Variants in KPNA4 observed in about 807,000 individuals in gnomAD.
KPNA4 encodes the protein importin subunit alpha-3.
KPNA4 carries 13 observed loss-of-function variants against 71.3 expected under a neutral mutation model. The observed-to-expected ratio is 0.18, with a 90% CI of 0.12 to 0.29. The LOEUF is 0.29. Among genes scored for constraint, KPNA4 ranks in the 10% least tolerant of loss-of-function variants. The pLI, the probability that KPNA4 is intolerant of heterozygous loss-of-function variation, is 1.00. For missense variants in KPNA4, 334 were observed against 603.2 expected (o/e 0.55, Z 4.67); for synonymous variants, 189 against 195.2 (o/e 0.97, Z 0.26).
chr3:160,498,956 G>C lies in KPNA4; in HGVS notation c.*3148C>G, dbSNP rs1720822263. ...TAACTTTTTCCTTGAGGAAACTGAG[G>C]CAATGGAGAATCCAAAAAGGGTGCC... On this transcript the variant is annotated 3_prime_UTR_variant, in exon 17 of 17. Coordinates refer to ENST00000334256, the MANE Select transcript of KPNA4 (RefSeq NM_002268.5). 1 of 152,120 alleles carries C rather than the reference G, an allele frequency of 6.6e-6. No homozygotes were observed. Among genetic ancestry groups the C allele is most frequent in the Non-Finnish European group, 1.5e-5 (1 of 68,026 alleles). 9.4% of individuals were successfully genotyped at this position (152,120 alleles called of 1,614,324 possible). A position where few individuals can be genotyped will look rare whatever the true frequency, so the allele number is the denominator to read the frequency against.
chr3:160,547,627 TACA>T (rs1721950166), intron 1 of KPNA4, among the ~76,000 whole-genome samples: 1 of 152,208 alleles, frequency 6.6e-6, no homozygotes, highest in Non-Finnish European at 1.5e-5. Context: ...TCGCATACTC[TACA>T]GGTTTTAACA....
chr3:160,515,723 T>A, intron 11 of KPNA4, 143 bp from the exon 12 acceptor site: 1 of 836,878 alleles, frequency 1.2e-6, no homozygotes, highest in Non-Finnish European at 1.8e-6. Context: ...CAAGTGATCC[T>A]CCCACCCCAG....
Position 160,536,855 on chromosome 3 carries a change from A to C in KPNA4, c.70-15T>G. 6.7e-7 allele frequency: 1 copy of C among 1,494,252 alleles called. No homozygotes were observed. The highest frequency in any genetic ancestry group is 1.4e-5 in the African/African-American group (1 of 72,516). 92.6% of individuals were successfully genotyped at this position (1,494,252 alleles called of 1,614,324 possible). ...CTTCTCATAGTCTACAAAAAAATTAAAGGAAAATATTTTTAAAATCACCTC... is the reference window on the plus strand; with the variant it reads ...CTTCTCATAGTCTACAAAAAAATTACAGGAAAATATTTTTAAAATCACCTC... On this transcript the variant is annotated splice_polypyrimidine_tract_variant and intron_variant, in intron 1 of 16. Coordinates refer to ENST00000334256, the MANE Select transcript of KPNA4 (RefSeq NM_002268.5).
At chr3:160,545,007 T>TG (rs1721877317) in intron 1 of KPNA4, among the ~76,000 whole-genome samples, 2 of 152,202 alleles carry the variant, frequency 1.3e-5, no homozygotes, top group Non-Finnish European at 2.9e-5. Flanking sequence ...AAAGGAACTA[T>TG]GGCCCAGCGA....
chr3:160,514,253 T>C (rs1282215647), intron 12 of KPNA4, 72 bp from the exon 13 acceptor site: 12 of 981,902 alleles, frequency 1.2e-5, no homozygotes, highest in East Asian at 5.5e-5. Flanking sequence ...TAAAAAAGCA[T>C]TCACTACACT....
intron 11 of KPNA4, among the ~76,000 whole-genome samples, chr3:160,516,255 G>T (rs113452603): frequency 0.018 from 2,717 of 152,104 alleles, 84 homozygotes; most frequent in African/African-American, 0.061. Flanking sequence ...GCTTCCCAAA[G>T]TACTGGGATT....
intron 7 of KPNA4, among the ~76,000 whole-genome samples, chr3:160,528,798 T>C (rs1278628259): frequency 1.3e-5 from 2 of 152,234 alleles, no homozygotes; most frequent in African/African-American, 2.4e-5. Flanking sequence ...GAAACAGAGA[T>C]AGGTCTGTAT....
intron 14 of KPNA4, 95 bp downstream of exon 14, chr3:160,509,705 T>C: frequency 2.1e-6 from 2 of 933,820 alleles, no homozygotes; most frequent in South Asian, 1.4e-5. Flanking sequence ...GTGTTGCTAT[T>C]ATTTTAAATT....
chr3:160,503,617 C>T (rs1232950539), intron 16 of KPNA4, among the ~76,000 whole-genome samples: 2 of 152,148 alleles, frequency 1.3e-5, no homozygotes, highest in Non-Finnish European at 2.9e-5. Flanking sequence ...CTGTAGTGTA[C>T]TTCCTATAAC....
intron 15 of KPNA4, 24 bp downstream of exon 15, chr3:160,508,083 A>G: frequency 1.3e-6 from 2 of 1,568,278 alleles, no homozygotes; most frequent in Non-Finnish European, 1.7e-6. Flanking sequence ...TAAGATGTGG[A>G]ATAAGAGCTT....
intron 12 of KPNA4, 42 bp downstream of exon 12, chr3:160,515,410 A>C: frequency 2.0e-6 from 3 of 1,504,084 alleles, no homozygotes; most frequent in Non-Finnish European, 2.7e-6. Flanking sequence ...AACTGTTAAC[A>C]TTTTAAGTGC....
intron 1 of KPNA4, among the ~76,000 whole-genome samples, chr3:160,548,022 A>C (rs896153899): frequency 2.0e-5 from 3 of 152,184 alleles, no homozygotes; most frequent in Admixed American, 6.5e-5. Context: ...CTGTGTGGAC[A>C]TAAGTTTTGA....
In KPNA4 at chr3:160,531,443, AAAT is replaced by A. The variant is rs1553786639; in HGVS notation, c.383+16_383+18del. 3.9e-6 allele frequency: 5 copies of A among 1,296,960 alleles called. No homozygotes were observed. The highest frequency in any genetic ancestry group is 1.6e-5 in the South Asian group (1 of 63,572). The allele number at this position is 1,296,960 out of a possible 1,614,324, so 80.3% of individuals were successfully genotyped here. ...GATACATTCTAAATTAAAAAAAAAAAAATAAATAATGTACTCACTTGTCATCTC... is the reference window on the plus strand; with the variant it reads ...GATACATTCTAAATTAAAAAAAAAAAAAATAATGTACTCACTTGTCATCTC... On this transcript the variant is annotated intron_variant, in intron 6 of 16. Transcript: ENST00000334256.
intron 5 of KPNA4, among the ~76,000 whole-genome samples, chr3:160,534,785 G>A (rs1721652014): frequency 6.8e-6 from 1 of 147,938 alleles, no homozygotes; most frequent in South Asian, 2.1e-4. Flanking sequence ...CACTGGGAGT[G>A]TATGCAGTCA....
At chr3:160,530,097 TGCACTCCAGCCTGG>T (rs1184831743) in intron 7 of KPNA4, among the ~76,000 whole-genome samples, 1 of 131,482 alleles carries the variant, frequency 7.6e-6, no homozygotes, top group African/African-American at 3.0e-5. Flanking sequence ...ATCGCATCAC[TGCACTCCAGCCTGG>T]GCGACAGAGT....
chr3:160,561,772 G>A (rs1208644713), intron 1 of KPNA4, among the ~76,000 whole-genome samples: 1 of 151,950 alleles, frequency 6.6e-6, no homozygotes, highest in African/African-American at 2.4e-5. Context: ...TATACAAGCA[G>A]AGAGAAAAAA....
At chr3:160,545,116 T>C (rs965473167) in intron 1 of KPNA4, among the ~76,000 whole-genome samples, 1 of 152,250 alleles carries the variant, frequency 6.6e-6, no homozygotes, top group Admixed American at 6.5e-5. Flanking sequence ...CTATTACATA[T>C]TCCTTCAAAT....
chr3:160,508,040 G>A, intron 15 of KPNA4, 67 bp downstream of exon 15: 2 of 1,221,016 alleles, frequency 1.6e-6, no homozygotes, highest in Non-Finnish European at 2.3e-6. Context: ...TGCTATATTA[G>A]TCGGCAAATA....
chr3:160,523,721 G>A (rs1721404568), intron 10 of KPNA4, among the ~76,000 whole-genome samples: 1 of 151,836 alleles, frequency 6.6e-6, no homozygotes, highest in Non-Finnish European at 1.5e-5. Flanking sequence ...CGTGGTGGCG[G>A]GCATCTGTAA....
Sources: gnomAD v4.1 joint callset for allele counts (sites outside exome capture counted in the v4.1 genomes callset) on GRCh38, gnomAD v4.1.1 for gene constraint, MANE v1.5 for transcripts, NCBI Gene and HGNC (gene_info 2026-07-23, HGNC 2026-07-21) for gene names.